Variants in SMO observed in about 807,000 individuals in gnomAD.
SMO encodes the protein protein smoothened.
Under a neutral mutation model 81.6 loss-of-function variants are expected in SMO, and 40 were observed. The ratio of observed to expected loss-of-function variants is 0.49; its 90% CI spans 0.38 to 0.64. The LOEUF (loss-of-function observed/expected upper bound fraction) is 0.64. SMO is among the 30% of genes least tolerant of loss of function. The pLI is 0.00. For synonymous variants in SMO, 434 were observed against 432.1 expected (o/e 1.00, Z -0.05); for missense variants, 916 against 1,061.1 (o/e 0.86, Z 1.90).
chr7:129,190,025 G>T (rs903951079), intron 1 of SMO, among the ~76,000 whole-genome samples: 9 of 152,314 alleles, frequency 5.9e-5, no homozygotes, highest in African/African-American at 2.2e-4. Flanking sequence ...TGGAAATCTT[G>T]ATTTGGGAGA....
At position 129,203,690 on chromosome 7, in the gene SMO, C is replaced by G. The variant is rs1457169937; in HGVS notation, c.537+101C>G. 6.8e-6 allele frequency: 6 copies of G among 886,424 alleles called. No homozygotes were observed. The Admixed American group carries it at 1.6e-4, about 23-fold the overall frequency. 54.9% of individuals were successfully genotyped at this position (886,424 alleles called of 1,614,324 possible). Reference sequence around the variant, plus strand: ...GCAGGGGAGCCCAGAGCTTTGTCTCCTGGAGACCCTGAGCCTACAGCCATG... The same window carrying G: ...GCAGGGGAGCCCAGAGCTTTGTCTCGTGGAGACCCTGAGCCTACAGCCATG... On this transcript the variant is annotated intron_variant, in intron 2 of 11. Coordinates refer to ENST00000249373, the MANE Select transcript of SMO (RefSeq NM_005631.5).
chr7:129,211,199 A>G lies in SMO; in HGVS notation c.1801+86A>G. ...CTCCCAGCCTGCTGGGGGCACACAGATTATTTGGAAGACCGACTGTGAGGA... is the reference window on the plus strand; with the variant it reads ...CTCCCAGCCTGCTGGGGGCACACAGGTTATTTGGAAGACCGACTGTGAGGA... On this transcript the variant is annotated intron_variant, in intron 10 of 11. Transcript: ENST00000249373. The surrounding 1 kb of genome is among the most constrained non-coding windows in gnomAD (Gnocchi z 4.6). 2 of 1,422,234 alleles carry G rather than the reference A, an allele frequency of 1.4e-6. No individual in the cohort carries two copies. The highest frequency in any genetic ancestry group is 1.9e-6 in the Non-Finnish European group (2 of 1,034,448). The allele number at this position is 1,422,234 out of a possible 1,614,324, so 88.1% of individuals were successfully genotyped here.
Position 129,210,490 on chromosome 7 carries a change from A to T in SMO, c.1594A>T (p.Met532Leu), listed in dbSNP as rs2150653919. ...TGCCATGTTTGGAACTGGCATCGCC[A>T]TGAGCACCTGGGTCTGGACCAAGGC... The part of the protein sequence containing the change: ...LFAMFGTGIA[M>L]STWVWTKATL... Residue 532 changes from methionine to leucine, a missense_variant, in exon 9 of 12, where the codon ATG becomes TTG. This residue lies in a region of SMO where 436 missense variants were observed against 570.9 expected (regional missense o/e 0.76). Transcript: ENST00000249373. The surrounding 1 kb of genome is among the most constrained non-coding windows in gnomAD (Gnocchi z 4.7). 1.2e-6 allele frequency: 2 copies of T among 1,614,202 alleles called. No individual in the cohort carries two copies. Among genetic ancestry groups the T allele is most frequent in the Non-Finnish European group, 1.7e-6 (2 of 1,180,034 alleles).
At position 129,212,649 on chromosome 7, in the gene SMO, C is replaced by T. The variant is rs1299540570; in HGVS notation, c.*198C>T. The T allele has an allele frequency of 1.3e-5, 8 of 608,382 alleles. No homozygotes were observed. The highest frequency in any genetic ancestry group is 2.3e-5 in the Non-Finnish European group (8 of 347,728). The allele number at this position is 608,382 out of a possible 1,614,324, so 37.7% of individuals were successfully genotyped here. On this transcript the variant is annotated 3_prime_UTR_variant, in exon 12 of 12. Coordinates refer to ENST00000249373, the MANE Select transcript of SMO (RefSeq NM_005631.5). The surrounding 1 kb of genome is among the most constrained non-coding windows in gnomAD (Gnocchi z 5.0). ...GCCTAACATCTCCATGGGGAGGCCT[C>T]ACCCCAGGGACAGGGCCCTGGAGCT...
chr7:129,205,544 A>C, intron 3 of SMO, 66 bp from the exon 4 acceptor site: 6 of 1,542,412 alleles, frequency 3.9e-6, no homozygotes, highest in Non-Finnish European at 3.6e-6. Flanking sequence ...TCTGGGGCTC[A>C]GTTAAGGGTG....
At chr7:129,209,060 G>A (rs918127934) in intron 7 of SMO, 29 of 614,416 alleles carry the variant, frequency 4.7e-5, no homozygotes, top group African/African-American at 1.7e-4. Flanking sequence ...AGTTCATGCC[G>A]GGACTGGTTC....
At position 129,209,411 on chromosome 7, in the gene SMO, A is replaced by G. The variant is rs2150653033; in HGVS notation, c.1466+14A>G. 6 of 1,566,330 alleles carry G rather than the reference A, an allele frequency of 3.8e-6. No individual in the cohort carries two copies. Among genetic ancestry groups the G allele is most frequent in the East Asian group, 2.2e-5 (1 of 44,638 alleles). On this transcript the variant is annotated intron_variant, in intron 8 of 11. Transcript: ENST00000249373. The stretch of plus-strand genomic sequence containing the variant: ...GGACTATGTGCTGTGAGTGAGGGGC[A>G]TGGAGGCGGCAGTGCTGGGAGCTGG...
Position 129,208,552 on chromosome 7 carries a change from G to A in SMO, c.1265-207G>A, listed in dbSNP as rs973785980. Among the ~76,000 whole-genome samples, 3 of 152,014 alleles carry A rather than the reference G, an allele frequency of 2.0e-5. No homozygotes were observed. The highest frequency in any genetic ancestry group is 6.6e-5 in the Admixed American group (1 of 15,248). On this transcript the variant is annotated intron_variant, in intron 6 of 11. Transcript: ENST00000249373. This position sits in a 1 kb window ranked among gnomAD's most constrained non-coding sequence, Gnocchi z 5.2. ...CTTCAGGGGCAGCTGGGCCACGACC[G>A]AGGCTCCCTCTTCTCAAGTGTCTGT...
intron 1 of SMO, among the ~76,000 whole-genome samples, chr7:129,190,793 A>C (rs1238376124): frequency 1.3e-5 from 2 of 152,240 alleles, no homozygotes; most frequent in East Asian, 1.9e-4. Flanking sequence ...TGTAAACAAC[A>C]GTGGCTTTGA....
At position 129,212,249 on chromosome 7, in the gene SMO, C is replaced by A. The variant is rs1793885789; in HGVS notation, c.2162C>A (p.Ala721Asp). 2 of 1,602,888 alleles carry A rather than the reference C, an allele frequency of 1.2e-6. No homozygotes were observed. Among genetic ancestry groups the A allele is most frequent in the Non-Finnish European group, 1.7e-6 (2 of 1,174,914 alleles). ...KCLVAAGAWG[A>D]GDSCRQGAWT... ...CTGGTGGCTGCAGGTGCCTGGGGAG[C>A]TGGGGACTCTTGCCGACAGGGAGCG... The change falls in exon 12 of 12, where the codon GCT becomes GAT. Residue 721 changes from alanine (A) to aspartate (D), a missense_variant. Ala to Asp is a moderately radical substitution (Grantham distance 126, BLOSUM62 -2). Transcript: ENST00000249373. The surrounding 1 kb of genome is among the most constrained non-coding windows in gnomAD (Gnocchi z 5.0).
chr7:129,189,229 G>C lies in SMO; in HGVS notation c.78G>C (p.Pro26=), dbSNP rs1793444242. ...GLLLLLLLGD[P]GRGAASSGNA... ...TGCTGCTGCTGCTGCTGGGGGACCC[G>C]GGCCGGGGGGCGGCCTCGAGCGGGA... The change falls in exon 1 of 12, where the codon CCG becomes CCC. Residue 26 remains proline (P), a synonymous_variant. Transcript: ENST00000249373. This position sits in a 1 kb window ranked among gnomAD's most constrained non-coding sequence, Gnocchi z 4.7. 3 of 1,184,092 alleles carry C rather than the reference G, an allele frequency of 2.5e-6. No homozygotes were observed. Among genetic ancestry groups the C allele is most frequent in the Non-Finnish European group, 3.2e-6 (3 of 946,138 alleles). 73.3% of individuals were successfully genotyped at this position (1,184,092 alleles called of 1,614,324 possible).
chr7:129,196,067 C>G (rs1423855492), intron 1 of SMO, among the ~76,000 whole-genome samples: 1 of 147,322 alleles, frequency 6.8e-6, no homozygotes, highest in Non-Finnish European at 1.5e-5. Context: ...TGCCACTGCA[C>G]TCCAGCCTGG....
Position 129,189,051 on chromosome 7 carries a change from C to CTG in SMO, c.-101_-100insTG. ...CCGGATTCTCTGGGCGCACAGGTCG[C>CTG]CTGAGCCGCCTCCGCGGCCGCCGAG... On this transcript the variant is annotated 5_prime_UTR_variant, in exon 1 of 12. The change abolishes the stop of an existing upstream ORF in the 5' untranslated region. Coordinates refer to ENST00000249373, the MANE Select transcript of SMO (RefSeq NM_005631.5). This position sits in a 1 kb window ranked among gnomAD's most constrained non-coding sequence, Gnocchi z 4.7. 9.1e-7 allele frequency: 1 copy of CTG among 1,103,316 alleles called. No individual in the cohort carries two copies. The highest frequency in any genetic ancestry group is 1.1e-6 in the Non-Finnish European group (1 of 878,328). 68.3% of individuals were successfully genotyped at this position (1,103,316 alleles called of 1,614,324 possible).
rs117328787 is a variant in SMO at position 129,195,489 on chromosome 7, G to C, written c.331+6007G>C. On this transcript the variant is annotated intron_variant, in intron 1 of 11. Transcript: ENST00000249373. The stretch of plus-strand genomic sequence containing the variant: ...ACTGGCCTTTAGGGTTTCTGCTTTT[G>C]GGAAGTGTCTGTTCAAATCTTTGAC... 5.1e-4 allele frequency among the ~76,000 whole-genome samples: 78 copies of C among 152,244 alleles called. 2 individuals are homozygous for C. The East Asian group carries it at 0.015, about 29-fold the overall frequency.
rs1282752718 is a variant in SMO at position 129,193,786 on chromosome 7, AT to A, written c.331+4305del. On this transcript the variant is annotated intron_variant, in intron 1 of 11. Transcript: ENST00000249373. Reference sequence around the variant, plus strand: ...AAAAAAAAAAAAAAAAAAAAAAAAAATATATATATATATATATATATATATA... The same window carrying A: ...AAAAAAAAAAAAAAAAAAAAAAAAAAATATATATATATATATATATATATA... 7.9e-3 allele frequency among the ~76,000 whole-genome samples: 168 copies of A among 21,364 alleles called. 2 individuals are homozygous for A. Among genetic ancestry groups the A allele is most frequent in the African/African-American group, 0.017 (87 of 5,270 alleles). The allele number at this position is 21,364 out of a possible 152,430, so 14.0% of individuals were successfully genotyped here.
rs2150655851 is a variant in SMO at position 129,211,781 on chromosome 7, T to C, written c.1936+11T>C. On this transcript the variant is annotated intron_variant, in intron 11 of 11. Transcript: ENST00000249373. The surrounding 1 kb of genome is among the most constrained non-coding windows in gnomAD (Gnocchi z 4.6). Reference sequence around the variant, plus strand: ...CTGTGGCAACTCCAGGTATGAGAGTTCAAGCTTCTGGAGGAAGGTGGGGGG... The same window carrying C: ...CTGTGGCAACTCCAGGTATGAGAGTCCAAGCTTCTGGAGGAAGGTGGGGGG... 1 of 1,613,846 alleles carries C rather than the reference T, an allele frequency of 6.2e-7. No homozygotes were observed. Among genetic ancestry groups the C allele is most frequent in the Non-Finnish European group, 8.5e-7 (1 of 1,179,894 alleles).
intron 1 of SMO, among the ~76,000 whole-genome samples, chr7:129,202,419 C>T (rs530766706): frequency 2.0e-4 from 30 of 152,216 alleles, no homozygotes; most frequent in African/African-American, 7.0e-4. Context: ...GAAATGTGAC[C>T]GGCACCCATG....
chr7:129,211,107 C>A lies in SMO; in HGVS notation c.1795C>A (p.Pro599Thr), dbSNP rs2150654872. 6.2e-7 allele frequency: 1 copy of A among 1,605,538 alleles called. No individual in the cohort carries two copies. Among genetic ancestry groups the A allele is most frequent in the Non-Finnish European group, 8.5e-7 (1 of 1,175,332 alleles). Residue 599 changes from proline (P) to threonine (T), a missense_variant, in exon 10 of 12, where the codon CCC becomes ACC. This residue lies in a region of SMO where 324 missense variants were observed against 312.9 expected (regional missense o/e 1.04). Coordinates refer to ENST00000249373, the MANE Select transcript of SMO (RefSeq NM_005631.5). The surrounding 1 kb of genome is among the most constrained non-coding windows in gnomAD (Gnocchi z 4.6). Reference sequence around the variant, plus strand: ...CATGCACACTGTGTCCCACGACGGGCCCGTGGGTGAGCCTCACCCCTCCTC... The same window carrying A: ...CATGCACACTGTGTCCCACGACGGGACCGTGGGTGAGCCTCACCCCTCCTC... ...FSMHTVSHDG[P>T]VAGLAFDLNE...
Position 129,213,301 on chromosome 7 carries a change from T to G in SMO, c.*850T>G, listed in dbSNP as rs1793910335. On this transcript the variant is annotated 3_prime_UTR_variant, in exon 12 of 12. Transcript: ENST00000249373. ...TGCATCATCTCTTCCTCACACCCAT[T>G]TAGTGGGGGATGGGTCCTCTAGACT... is the stretch of plus-strand genomic sequence containing the variant. The G allele has an allele frequency of 4.3e-6, 1 of 233,074 alleles. No homozygotes were observed. The highest frequency in any genetic ancestry group is 5.6e-5 in the Admixed American group (1 of 17,788). The allele number at this position is 233,074 out of a possible 1,614,324, so 14.4% of individuals were successfully genotyped here.
Sources: gnomAD v4.1 joint callset for allele counts (sites outside exome capture counted in the v4.1 genomes callset) on GRCh38, gnomAD v4.1.1 for gene constraint, gnomAD v4.1.1 regional missense constraint, Gnocchi (gnomAD v3.1) non-coding constraint, MANE v1.5 for transcripts, NCBI Gene and HGNC (gene_info 2026-07-23, HGNC 2026-07-21) for gene names.